DLG2: variants seen among roughly 807,000 people sequenced by gnomAD.
The protein encoded by DLG2 is disks large homolog 2.
A neutral mutation model predicts 132.5 loss-of-function variants in DLG2; 45 were observed. The observed-to-expected ratio is 0.34, with a 90% CI of 0.27 to 0.44. DLG2 has a LOEUF of 0.44. Ranked by LOEUF, DLG2 falls within the 20% of genes least tolerant of loss-of-function variation. The probability of loss-of-function intolerance (pLI) is 1.00; values close to 1 mark genes in which losing one functional copy is unlikely to be tolerated. For synonymous variants in DLG2, 424 were observed against 419.6 expected, an observed-to-expected ratio of 1.01 and a Z score of -0.13; for missense variants, 1,045 against 1,196.9, an observed-to-expected ratio of 0.87 and a Z score of 1.87.
chr11:85,493,639 C>T (rs1245429256), intron 3 of DLG2, among the ~76,000 whole-genome samples: 1 of 149,520 alleles, frequency 6.7e-6, no homozygotes, highest in African/African-American at 2.5e-5. Flanking sequence ...CCCTGCACTG[C>T]AGCCTGGGCA....
At chr11:85,286,440 T>C (rs191452375) in intron 3 of DLG2, among the ~76,000 whole-genome samples, 1 of 152,224 alleles carries the variant, frequency 6.6e-6, no homozygotes, top group African/African-American at 2.4e-5. Context: ...TACACACATA[T>C]ATTTCCTTGC....
intron 3 of DLG2, among the ~76,000 whole-genome samples, chr11:85,405,959 A>G (rs975686856): frequency 2.0e-5 from 3 of 151,982 alleles, no homozygotes; most frequent in Admixed American, 1.3e-4. Context: ...TAAATAATCC[A>G]AAAGTGTTTC....
chr11:84,384,323 A>G (rs1044809432), intron 7 of DLG2, among the ~76,000 whole-genome samples: 1 of 152,016 alleles, frequency 6.6e-6, no homozygotes, highest in African/African-American at 2.4e-5. Flanking sequence ...AATATGGAAA[A>G]TGCAACTTTA....
At chr11:84,773,640 T>C (rs2069829621) in intron 6 of DLG2, among the ~76,000 whole-genome samples, 1 of 152,098 alleles carries the variant, frequency 6.6e-6, no homozygotes, top group Non-Finnish European at 1.5e-5. Flanking sequence ...ATGCAAATAA[T>C]ACGAAAATCA....
intron 6 of DLG2, among the ~76,000 whole-genome samples, chr11:85,108,590 AATT>A (rs1282109076): frequency 6.6e-6 from 1 of 151,948 alleles, no homozygotes. Context: ...GGTATTATCA[AATT>A]ATTATTTCAT....
chr11:84,529,875 T>A (rs1233890729), intron 7 of DLG2, among the ~76,000 whole-genome samples: 1 of 152,156 alleles, frequency 6.6e-6, no homozygotes, highest in East Asian at 1.9e-4. Context: ...GAGTATCACA[T>A]TCTTGGACTT....
At chr11:84,227,336 T>C (rs1186262281) in intron 8 of DLG2, among the ~76,000 whole-genome samples, 2 of 151,850 alleles carry the variant, frequency 1.3e-5, no homozygotes, top group Non-Finnish European at 2.9e-5. Context: ...TTCTGTGTGA[T>C]CAGAGGGAAT....
chr11:85,375,648 C>A (rs543326983), intron 3 of DLG2, among the ~76,000 whole-genome samples: 9 of 152,262 alleles, frequency 5.9e-5, no homozygotes, highest in Admixed American at 1.3e-4. Context: ...AGTATACATA[C>A]CCACACAGGT....
intron 10 of DLG2, among the ~76,000 whole-genome samples, chr11:84,079,098 T>C (rs2096867778): frequency 6.6e-6 from 1 of 152,178 alleles, no homozygotes; most frequent in Admixed American, 6.6e-5. Context: ...CACAGATGAT[T>C]TATTTGAAGG....
At chr11:84,726,403 T>G (rs773440124) in intron 6 of DLG2, among the ~76,000 whole-genome samples, 1 of 152,132 alleles carries the variant, frequency 6.6e-6, no homozygotes, top group African/African-American at 2.4e-5. Flanking sequence ...CTGAGAATTG[T>G]GGTTTCCAGC....
chr11:85,069,821 A>G (rs1273218595), intron 6 of DLG2, among the ~76,000 whole-genome samples: 1 of 152,196 alleles, frequency 6.6e-6, no homozygotes, highest in Non-Finnish European at 1.5e-5. Context: ...CCAAAGGATT[A>G]TAAATCATGC....
At chr11:84,929,837 G>A (rs910979319) in intron 6 of DLG2, among the ~76,000 whole-genome samples, 1 of 152,020 alleles carries the variant, frequency 6.6e-6, no homozygotes, top group South Asian at 2.1e-4. Context: ...TGGCCTTAAT[G>A]AGAACCACTT....
At chr11:83,480,274 G>C (rs1033687553) in intron 22 of DLG2, 9 of 928,948 alleles carry the variant, frequency 9.7e-6, no homozygotes, top group Non-Finnish European at 1.5e-5. Context: ...GATGATAAAA[G>C]GTAGCAATTG....
At chr11:84,890,195 A>G (rs1282918660) in intron 6 of DLG2, among the ~76,000 whole-genome samples, 1 of 152,142 alleles carries the variant, frequency 6.6e-6, no homozygotes, top group African/African-American at 2.4e-5. Context: ...TGCAGTTTTT[A>G]TCTAAGCTTA....
chr11:84,848,708 A>G (rs75794724), intron 6 of DLG2, among the ~76,000 whole-genome samples: 2 of 152,122 alleles, frequency 1.3e-5, no homozygotes, highest in Non-Finnish European at 2.9e-5. Flanking sequence ...TGGACTTTAA[A>G]TCTATGCCTG....
chr11:85,018,682 G>A (rs2059771529), intron 6 of DLG2, among the ~76,000 whole-genome samples: 1 of 151,972 alleles, frequency 6.6e-6, no homozygotes, highest in Admixed American at 6.6e-5. Context: ...TTCATGCTCT[G>A]ATGGCCCAAG....
At chr11:84,099,286 A>G (rs939043512) in intron 9 of DLG2, among the ~76,000 whole-genome samples, 2 of 152,220 alleles carry the variant, frequency 1.3e-5, no homozygotes, top group Non-Finnish European at 2.9e-5. Context: ...TGCTTCCTTT[A>G]TGCAGCAATT....
intron 6 of DLG2, among the ~76,000 whole-genome samples, chr11:84,807,077 G>A (rs565564872): frequency 6.6e-6 from 1 of 152,094 alleles, no homozygotes; most frequent in Non-Finnish European, 1.5e-5. Flanking sequence ...TGCAAAAATT[G>A]TTCAAGTAAC....
chr11:84,002,741 A>G (rs1427948978), intron 11 of DLG2, among the ~76,000 whole-genome samples: 1 of 152,118 alleles, frequency 6.6e-6, no homozygotes, highest in Non-Finnish European at 1.5e-5. Flanking sequence ...AGGGGTTGCC[A>G]TGAAGATGTC....
Sources: gnomAD v4.1 joint callset for allele counts (sites outside exome capture counted in the v4.1 genomes callset) on GRCh38, gnomAD v4.1.1 for gene constraint, MANE v1.5 for transcripts, NCBI Gene and HGNC (gene_info 2026-07-23, HGNC 2026-07-21) for gene names.